The following MAML2 variants were observed in gnomAD, a reference collection of about 807,000 sequenced individuals.
The protein encoded by MAML2 is mastermind-like protein 2.
MAML2 carries 22 observed loss-of-function variants against 96.1 expected under a neutral mutation model. The ratio of observed to expected loss-of-function variants is 0.23; its 90% CI spans 0.16 to 0.33. The LOEUF (loss-of-function observed/expected upper bound fraction) is 0.33, where lower values mean the gene tolerates loss of function less well. Ranked by LOEUF, MAML2 falls within the 10% of genes least tolerant of loss-of-function variation. The pLI is 1.00. For missense variants in MAML2, 1,367 were observed against 1,392.4 expected (o/e 0.98, Z 0.29); for synonymous variants, 561 against 521.3 (o/e 1.08, Z -1.04).
chr11:96,126,910 G>T (rs1004471656), intron 1 of MAML2, among the ~76,000 whole-genome samples: 1 of 152,124 alleles, frequency 6.6e-6, no homozygotes, highest in East Asian at 1.9e-4. Flanking sequence ...GGACATGGGG[G>T]GGGTCAAATG....
At chr11:96,283,401 A>G (rs1208198195) in intron 1 of MAML2, among the ~76,000 whole-genome samples, 1 of 152,224 alleles carries the variant, frequency 6.6e-6, no homozygotes, top group African/African-American at 2.4e-5. Context: ...AACACTTGAC[A>G]TGGGAAATAG....
At chr11:96,101,437 C>G (rs1310905116) in intron 1 of MAML2, among the ~76,000 whole-genome samples, 1 of 152,178 alleles carries the variant, frequency 6.6e-6, no homozygotes, top group East Asian at 1.9e-4. Context: ...AACACTACCT[C>G]GGAGAGGCAG....
chr11:96,092,648 C>T lies in MAML2; in HGVS notation c.1383G>A (p.Trp461Ter). 6.2e-7 allele frequency: 1 copy of T among 1,613,880 alleles called. No homozygotes were observed. Among genetic ancestry groups the T allele is most frequent in the Non-Finnish European group, 8.5e-7 (1 of 1,179,846 alleles). Residue 461 changes from tryptophan to a stop codon, truncating the protein, a stop_gained, in exon 2 of 5, where the codon TGG becomes TGA. Coordinates refer to ENST00000524717, the MANE Select transcript of MAML2 (RefSeq NM_032427.4). LOFTEE classifies it high-confidence loss of function. The surrounding 1 kb of genome is among the most constrained non-coding windows in gnomAD (Gnocchi z 4.1). ...QHQQQHQPTN[W>*]SALPSSAGPS... Reference sequence around the variant, plus strand: ...GTCCAGCAGAAGAGGGCAAGGCTGACCAGTTGGTAGGCTGGTGCTGCTGCT... The same window carrying T: ...GTCCAGCAGAAGAGGGCAAGGCTGATCAGTTGGTAGGCTGGTGCTGCTGCT...
intron 1 of MAML2, among the ~76,000 whole-genome samples, chr11:96,114,959 C>T (rs1165916892): frequency 6.6e-6 from 1 of 152,262 alleles, no homozygotes; most frequent in East Asian, 1.9e-4. Flanking sequence ...GAGGCAGAGG[C>T]AGCCGGTATG....
intron 1 of MAML2, among the ~76,000 whole-genome samples, chr11:96,234,898 C>T (rs1311069875): frequency 1.3e-5 from 2 of 152,132 alleles, no homozygotes; most frequent in Non-Finnish European, 2.9e-5. Flanking sequence ...TAATGGAACA[C>T]CCTGTTGTGA....
At chr11:95,983,952 G>A (rs756378308) in intron 4 of MAML2, among the ~76,000 whole-genome samples, 52 of 152,166 alleles carry the variant, frequency 3.4e-4, no homozygotes, top group Non-Finnish European at 6.6e-4. Flanking sequence ...AAGGTCCACA[G>A]TAGTGTACAG....
chr11:96,000,677 A>G (rs142640801), intron 2 of MAML2, among the ~76,000 whole-genome samples: 14 of 152,338 alleles, frequency 9.2e-5, no homozygotes, highest in Admixed American at 6.5e-5. Flanking sequence ...ACAATTACAC[A>G]CAGCAGGAAC....
intron 2 of MAML2, among the ~76,000 whole-genome samples, chr11:96,075,661 G>T (rs372091243): frequency 2.6e-5 from 4 of 152,238 alleles, no homozygotes; most frequent in Non-Finnish European, 4.4e-5. Flanking sequence ...GCTAGGGGAA[G>T]TCGGGTGGGG....
intron 1 of MAML2, among the ~76,000 whole-genome samples, chr11:96,226,544 T>C (rs1270467284): frequency 6.6e-6 from 1 of 152,166 alleles, no homozygotes; most frequent in Non-Finnish European, 1.5e-5. Context: ...AGATTTTTTT[T>C]CTCCACATGC....
chr11:96,225,556 G>T (rs957020563), intron 1 of MAML2, among the ~76,000 whole-genome samples: 1 of 152,174 alleles, frequency 6.6e-6, no homozygotes, highest in African/African-American at 2.4e-5. Context: ...CCATGGCCAG[G>T]CATGGTGGTT....
At chr11:96,041,336 C>CAAA (rs528688136) in intron 2 of MAML2, among the ~76,000 whole-genome samples, 23,573 of 132,644 alleles carry the variant, frequency 0.18, 2,278 homozygotes, top group East Asian at 0.32. Flanking sequence ...ACTAAAAATA[C>CAAA]AAAAAAAAAA....
At position 96,286,401 on chromosome 11, in the gene MAML2, C is replaced by A. The variant is rs144402077; in HGVS notation, c.513+54982G>T. On this transcript the variant is annotated intron_variant, in intron 1 of 4. Transcript: ENST00000524717. Reference sequence around the variant, plus strand: ...TTTAATACCTAGGTGGTGGGTTGATCTGTGCAGCAAACCACCATGGCACAT... The same window carrying A: ...TTTAATACCTAGGTGGTGGGTTGATATGTGCAGCAAACCACCATGGCACAT... 2.5e-4 allele frequency among the ~76,000 whole-genome samples: 38 copies of A among 152,244 alleles called. 1 individual carries two copies. The East Asian group carries it at 4.3e-3, about 17-fold the overall frequency.
chr11:96,156,726 T>G (rs1351035345), intron 1 of MAML2, among the ~76,000 whole-genome samples: 3 of 152,238 alleles, frequency 2.0e-5, no homozygotes, highest in Non-Finnish European at 4.4e-5. Context: ...TGGTCATGGT[T>G]CATCCAGAAG....
chr11:96,249,265 G>A (rs184057614), intron 1 of MAML2, among the ~76,000 whole-genome samples: 6 of 151,448 alleles, frequency 4.0e-5, no homozygotes, highest in Admixed American at 2.0e-4. Flanking sequence ...TCATCTTTCC[G>A]ACCTCTAGAT....
chr11:96,034,965 A>T (rs1356452775), intron 2 of MAML2, among the ~76,000 whole-genome samples: 2 of 152,198 alleles, frequency 1.3e-5, no homozygotes, highest in African/African-American at 4.8e-5. Flanking sequence ...TTAGTTTAAA[A>T]GATTAAAAGG....
intron 1 of MAML2, among the ~76,000 whole-genome samples, chr11:96,299,056 A>ATTTATATATATAT (rs1191083053): frequency 2.0e-5 from 1 of 49,714 alleles, no homozygotes; most frequent in Non-Finnish European, 3.4e-5. Flanking sequence ...AAAAAAAAAA[A>ATTTATATATATAT]AAAAATATAT....
chr11:96,277,766 T>A (rs960742534), intron 1 of MAML2, among the ~76,000 whole-genome samples: 3 of 150,658 alleles, frequency 2.0e-5, no homozygotes, highest in Non-Finnish European at 3.0e-5. Flanking sequence ...TAGAACTTTC[T>A]AAAATAATTT....
At chr11:96,128,878 A>G (rs1030695540) in intron 1 of MAML2, among the ~76,000 whole-genome samples, 1 of 152,220 alleles carries the variant, frequency 6.6e-6, no homozygotes, top group African/African-American at 2.4e-5. Context: ...GCATTGACGA[A>G]AAAAGTATAG....
chr11:95,997,613 AAAAC>A (rs751866944), intron 2 of MAML2, among the ~76,000 whole-genome samples: 2 of 152,190 alleles, frequency 1.3e-5, no homozygotes, highest in Non-Finnish European at 2.9e-5. Context: ...TCATGAACCT[AAAAC>A]AAACAACATT....
Sources: gnomAD v4.1 joint callset for allele counts (sites outside exome capture counted in the v4.1 genomes callset) on GRCh38, gnomAD v4.1.1 for gene constraint, Gnocchi (gnomAD v3.1) non-coding constraint, MANE v1.5 for transcripts, NCBI Gene and HGNC (gene_info 2026-07-23, HGNC 2026-07-21) for gene names.